The following LITAF variants were observed in gnomAD, a reference collection of about 807,000 sequenced individuals.
The protein encoded by LITAF is lipopolysaccharide induced TNF factor, also known as lipopolysaccharide-induced tumor necrosis factor-alpha factor.
LITAF carries 9 observed loss-of-function variants against 14.5 expected under a neutral mutation model. That is an observed-to-expected ratio of 0.62 (90% CI 0.37 to 1.08). LITAF has a LOEUF of 1.08. Among genes scored for constraint, LITAF ranks in the 50% least tolerant of loss-of-function variants. The probability of loss-of-function intolerance (pLI) is 0.01; values close to 1 mark genes in which losing one functional copy is unlikely to be tolerated. For missense variants in LITAF, 206 were observed against 213.4 expected (o/e 0.97, Z 0.22); for synonymous variants, 98 against 88.2 (o/e 1.11, Z -0.62).
chr16:11,560,938 C>T (rs1357397126), intron 1 of LITAF, among the ~76,000 whole-genome samples: 1 of 152,172 alleles, frequency 6.6e-6, no homozygotes, highest in Admixed American at 6.6e-5. Flanking sequence ...CAGCTTGCCC[C>T]TAAACTCAGC....
chr16:11,591,861 T>C (rs1230414088), upstream of LITAF, among the ~76,000 whole-genome samples: 1 of 152,150 alleles, frequency 6.6e-6, no homozygotes, highest in Non-Finnish European at 1.5e-5. Context: ...AGTGCTGAGA[T>C]TACAGGCATG....
chr16:11,553,682 C>CT lies in LITAF; in HGVS notation c.227_228insA (p.Gln77AlafsTer34). On this transcript the variant is annotated frameshift_variant, in exon 3 of 4. Transcript: ENST00000622633. LOFTEE classifies it high-confidence loss of function. The surrounding 1 kb of genome is among the most constrained non-coding windows in gnomAD (Gnocchi z 7.7). ...TGGGGTGCTGCACGTAGACCGTCTGCACGGTAACTGATGAAAGGGAGAGGG... is the reference window on the plus strand; with the variant it reads ...TGGGGTGCTGCACGTAGACCGTCTGCTACGGTAACTGATGAAAGGGAGAGGG... 6.2e-7 allele frequency: 1 copy of CT among 1,614,098 alleles called. No individual in the cohort carries two copies.
At chr16:11,600,637 G>A (rs576803004), upstream of LITAF, among the ~76,000 whole-genome samples, 6 of 152,198 alleles carry the variant, frequency 3.9e-5, no homozygotes, top group South Asian at 4.1e-4. This position sits in a 1 kb window ranked among gnomAD's most constrained non-coding sequence, Gnocchi z 4.1. Flanking sequence ...TTTCTACACC[G>A]TCATGCCCAC....
chr16:11,589,324 T>C (rs1015178307), upstream of LITAF, among the ~76,000 whole-genome samples: 1 of 152,198 alleles, frequency 6.6e-6, no homozygotes, highest in African/African-American at 2.4e-5. Flanking sequence ...ATCCCAGAGC[T>C]AATGACACAC....
At chr16:11,622,963 T>C (rs1352322180) in intron 3 of LITAF, among the ~76,000 whole-genome samples, 1 of 149,652 alleles carries the variant, frequency 6.7e-6, no homozygotes, top group Non-Finnish European at 1.5e-5. Context: ...TATATATATA[T>C]ATATATATAA....
chr16:11,592,630 A>T (rs1343002704), intron 1 of LITAF, among the ~76,000 whole-genome samples: 1 of 152,046 alleles, frequency 6.6e-6, no homozygotes, highest in Admixed American at 6.6e-5. Flanking sequence ...CCAAGAAAAT[A>T]CACAAATGGC....
chr16:11,606,870 C>T (rs190929993), intron 3 of LITAF, among the ~76,000 whole-genome samples: 9 of 152,280 alleles, frequency 5.9e-5, no homozygotes, highest in Admixed American at 5.2e-4. Flanking sequence ...AACTCCTGAC[C>T]TCAGGTGATC....
chr16:11,639,191 G>C (rs2065154489), upstream of LITAF, among the ~76,000 whole-genome samples: 1 of 151,910 alleles, frequency 6.6e-6, no homozygotes, highest in East Asian at 1.9e-4. Flanking sequence ...ATGGGTAGAT[G>C]TATGGATGGG....
rs1429889903 is a variant in LITAF, at chr16:11,558,754, C to T, written c.-5-2019G>A. On this transcript the variant is annotated intron_variant, in intron 1 of 3. Coordinates refer to ENST00000622633, the MANE Select transcript of LITAF (RefSeq NM_001136472.2). The surrounding 1 kb of genome is among the most constrained non-coding windows in gnomAD (Gnocchi z 4.1). ...AGTGGAATAGAGGCGGGGGAGTGAACGTGATAAAAAGAAAGTCAGTAAGTA... is the reference window on the plus strand; with the variant it reads ...AGTGGAATAGAGGCGGGGGAGTGAATGTGATAAAAAGAAAGTCAGTAAGTA... Among the ~76,000 whole-genome samples the T allele has an allele frequency of 2.0e-5, 3 of 151,918 alleles. No homozygotes were observed. Among genetic ancestry groups the T allele is most frequent in the South Asian group, 4.2e-4 (2 of 4,790 alleles).
chr16:11,572,929 G>C (rs2064567655), intron 1 of LITAF, among the ~76,000 whole-genome samples: 1 of 72,330 alleles, frequency 1.4e-5, no homozygotes, highest in Admixed American at 1.1e-4. Flanking sequence ...CACATCTCAA[G>C]CTCTTTTTTT....
chr16:11,568,621 G>A (rs56979228), intron 1 of LITAF, among the ~76,000 whole-genome samples: 1,919 of 151,678 alleles, frequency 0.013, 47 homozygotes, highest in African/African-American at 0.044. Flanking sequence ...AGTTGCTACC[G>A]TGTAAGTGCT....
intron 1 of LITAF, among the ~76,000 whole-genome samples, chr16:11,570,647 G>A (rs951734007): frequency 6.6e-6 from 1 of 152,114 alleles, no homozygotes; most frequent in Non-Finnish European, 1.5e-5. Context: ...GGGTTATTCT[G>A]GATTAACCAG....
rs2064812248 is a variant in LITAF at position 11,586,745 on chromosome 16, G to A, written c.-6+141C>T. Reference sequence around the variant, plus strand: ...CCCTCCGCCGCGCCTCGATGCCCGCGACCCGACCCGCGCCCCCTGGCATCC... The same window carrying A: ...CCCTCCGCCGCGCCTCGATGCCCGCAACCCGACCCGCGCCCCCTGGCATCC... On this transcript the variant is annotated intron_variant, in intron 1 of 3. Transcript: ENST00000622633. The surrounding 1 kb of genome is among the most constrained non-coding windows in gnomAD (Gnocchi z 6.5). 6.6e-6 allele frequency: 1 copy of A among 151,764 alleles called. No homozygotes were observed. Among genetic ancestry groups the A allele is most frequent in the Non-Finnish European group, 1.5e-5 (1 of 67,826 alleles). The allele number at this position is 151,764 out of a possible 1,614,324, so 9.4% of individuals were successfully genotyped here. A position where few individuals can be genotyped will look rare whatever the true frequency, so the allele number is the denominator to read the frequency against.
At chr16:11,627,771 G>A (rs1051347975) in intron 3 of LITAF, among the ~76,000 whole-genome samples, 3 of 152,204 alleles carry the variant, frequency 2.0e-5, no homozygotes, top group Admixed American at 6.5e-5. Context: ...TTGCATCCGG[G>A]AGGCAGAGGT....
intron 3 of LITAF, among the ~76,000 whole-genome samples, chr16:11,628,018 A>AC (rs1252349207): frequency 1.3e-5 from 2 of 150,630 alleles, no homozygotes; most frequent in East Asian, 3.9e-4. Context: ...TCAAAAAAAA[A>AC]AAAAAAAAAA....
At chr16:11,603,904 A>C (rs1247858774) in intron 3 of LITAF, among the ~76,000 whole-genome samples, 3 of 152,002 alleles carry the variant, frequency 2.0e-5, no homozygotes, top group Non-Finnish European at 4.4e-5. Flanking sequence ...AAAATTACCC[A>C]GGCGTGGTGG....
At chr16:11,623,303 T>C (rs1426838295) in intron 3 of LITAF, among the ~76,000 whole-genome samples, 1 of 151,960 alleles carries the variant, frequency 6.6e-6, no homozygotes, top group Non-Finnish European at 1.5e-5. Context: ...TTTGCTCATA[T>C]AGTTGGAAAG....
upstream of LITAF, among the ~76,000 whole-genome samples, chr16:11,591,852 G>A (rs572030801): frequency 6.6e-6 from 1 of 152,276 alleles, no homozygotes; most frequent in African/African-American, 2.4e-5. Flanking sequence ...GCCTCCCAAA[G>A]TGCTGAGATT....
chr16:11,549,843 T>A lies in LITAF; in HGVS notation c.378-98A>T. On this transcript the variant is annotated intron_variant, in intron 3 of 3. Coordinates refer to ENST00000622633, the MANE Select transcript of LITAF (RefSeq NM_001136472.2). The surrounding 1 kb of genome is among the most constrained non-coding windows in gnomAD (Gnocchi z 4.6). ...TTCATGTCCTTCTTTGTAAAAAGGG[T>A]CTTTGCCAGTATAATTAGGAATTTT... 1.1e-6 allele frequency: 1 copy of A among 946,000 alleles called. No individual in the cohort carries two copies. 58.6% of individuals were successfully genotyped at this position (946,000 alleles called of 1,614,324 possible). A position where few individuals can be genotyped will look rare whatever the true frequency, so the allele number is the denominator to read the frequency against.
Sources: gnomAD v4.1 joint callset for allele counts (sites outside exome capture counted in the v4.1 genomes callset) on GRCh38, gnomAD v4.1.1 for gene constraint, Gnocchi (gnomAD v3.1) non-coding constraint, MANE v1.5 for transcripts, NCBI Gene and HGNC (gene_info 2026-07-23, HGNC 2026-07-21) for gene names.